Variants in XPO7 observed in about 807,000 individuals in gnomAD.
The protein encoded by XPO7 is exportin 7, also known as exportin-7.
A neutral mutation model predicts 144.3 loss-of-function variants in XPO7; 21 were observed. The observed-to-expected ratio is 0.15, with a 90% confidence interval of 0.10 to 0.21. The LOEUF is 0.21. Among genes scored for constraint, XPO7 ranks in the 10% least tolerant of loss-of-function variants. XPO7 has a pLI of 1.00. For missense variants in XPO7, 808 were observed against 1,325.8 expected (o/e 0.61, Z 6.06); for synonymous variants, 580 against 499.6 (o/e 1.16, Z -2.15).
chr8:21,966,959 C>G lies in XPO7; in HGVS notation c.121C>G (p.Pro41Ala). ...AGCCTTGGTTGAATTTACCAACAGC[C>G]CTGATTGCCTGAGCAAGTGCCAGCT... The part of the protein sequence containing the change: ...EKALVEFTNS[P>A]DCLSKCQLLL... The change falls in exon 2 of 28, where the codon CCT becomes GCT. Residue 41 changes from proline to alanine, a missense_variant. By Grantham distance (27) the Pro-to-Ala change is conservative. Transcript: ENST00000252512. 6.2e-7 allele frequency: 1 copy of G among 1,613,904 alleles called. No homozygotes were observed. Among genetic ancestry groups the G allele is most frequent in the East Asian group, 2.2e-5 (1 of 44,868 alleles).
At chr8:21,967,382 G>A (rs556894711) in intron 2 of XPO7, among the ~76,000 whole-genome samples, 1 of 152,280 alleles carries the variant, frequency 6.6e-6, no homozygotes, top group East Asian at 1.9e-4. Context: ...CCAGGCTGGA[G>A]TGCAATGGCG....
rs939428069 is a variant in XPO7 at position 21,999,037 on chromosome 8, C to T, written c.2429-54C>T. On this transcript the variant is annotated intron_variant, in intron 22 of 27. Coordinates refer to ENST00000252512, the MANE Select transcript of XPO7 (RefSeq NM_015024.5). ...ATGCCTTTGGAGTAGGAAGGCTGAT[C>T]TAAACGAGCGCTTCTAATGTGGTTG... 8 of 1,600,958 alleles carry T rather than the reference C, an allele frequency of 5.0e-6. No individual in the cohort carries two copies. The East Asian group carries it at 1.8e-4, about 36-fold the overall frequency.
At chr8:21,926,007 T>G (rs1173104252) in intron 1 of XPO7, among the ~76,000 whole-genome samples, 3 of 152,180 alleles carry the variant, frequency 2.0e-5, no homozygotes, top group African/African-American at 7.2e-5. Context: ...GGTCTCTTAG[T>G]TGGACAATAA....
chr8:21,987,810 G>C lies in XPO7; in HGVS notation c.1740G>C (p.Leu580=). 1.2e-6 allele frequency: 2 copies of C among 1,613,858 alleles called. No individual in the cohort carries two copies. Among genetic ancestry groups the C allele is most frequent in the Non-Finnish European group, 1.7e-6 (2 of 1,179,826 alleles). The part of the protein sequence containing the change: ...SKLYRRLSEV[L]GLNDETMVLS... ...TGTACCGCCGACTCTCAGAAGTTCT[G>C]GGCTTGAATGATGAGACCATGGTCC... The change falls in exon 15 of 28, where the codon CTG becomes CTC. Residue 580 remains leucine (L), a synonymous_variant. Transcript: ENST00000252512.
intron 1 of XPO7, among the ~76,000 whole-genome samples, chr8:21,955,111 G>A (rs1390285421): frequency 6.6e-6 from 1 of 152,166 alleles, no homozygotes; most frequent in Non-Finnish European, 1.5e-5. Context: ...CTGAATATTG[G>A]CATTCTTTCT....
chr8:21,966,070 C>T (rs1464411621), intron 1 of XPO7, among the ~76,000 whole-genome samples: 1 of 152,194 alleles, frequency 6.6e-6, no homozygotes, highest in East Asian at 1.9e-4. Context: ...AGTATATATG[C>T]CTCCCTATGG....
At chr8:21,995,404 A>G (rs1812913056) in intron 20 of XPO7, 88 bp from the exon 21 acceptor site, 6 of 1,093,692 alleles carry the variant, frequency 5.5e-6, no homozygotes, top group Non-Finnish European at 7.9e-6. Context: ...GTAGTTTGAC[A>G]AGTTTTTGCT....
At chr8:21,967,311 A>G (rs553328127) in intron 2 of XPO7, among the ~76,000 whole-genome samples, 104 of 152,294 alleles carry the variant, frequency 6.8e-4, no homozygotes, top group African/African-American at 2.4e-3. Flanking sequence ...AGGACTGTAG[A>G]TAAATGACCT....
In XPO7 at chr8:21,924,056, G is replaced by T. The variant is rs371703075; in HGVS notation, c.18+4268G>T. Reference sequence around the variant, plus strand: ...AGTCAAACTCTCAGCTGGGGCTCCGGGCTGCAGTCAATCTCAGGGCTTGAC... The same window carrying T: ...AGTCAAACTCTCAGCTGGGGCTCCGTGCTGCAGTCAATCTCAGGGCTTGAC... On this transcript the variant is annotated intron_variant, in intron 1 of 27. Coordinates refer to ENST00000252512, the MANE Select transcript of XPO7 (RefSeq NM_015024.5). Among the ~76,000 whole-genome samples, 5 of 152,214 alleles carry T rather than the reference G, an allele frequency of 3.3e-5. 1 individual carries two copies. In the East Asian group the frequency reaches 5.8e-4, roughly 18 times the overall value.
Position 22,005,859 on chromosome 8 carries a change from C to G in XPO7, c.*771C>G, listed in dbSNP as rs1327786005. On this transcript the variant is annotated 3_prime_UTR_variant, in exon 28 of 28. Coordinates refer to ENST00000252512, the MANE Select transcript of XPO7 (RefSeq NM_015024.5). ...AGTGTTTGGTGTTCTTATCTCCACC[C>G]TCTTTCCTACTTTGCTTACCCTCAT... 1 of 152,274 alleles carries G rather than the reference C, an allele frequency of 6.6e-6. No homozygotes were observed. Among genetic ancestry groups the G allele is most frequent in the Non-Finnish European group, 1.5e-5 (1 of 68,088 alleles). The allele number at this position is 152,274 out of a possible 1,614,324, so 9.4% of individuals were successfully genotyped here.
At chr8:21,980,774 C>CAAA (rs892152378) in intron 9 of XPO7, among the ~76,000 whole-genome samples, 2 of 85,476 alleles carry the variant, frequency 2.3e-5, no homozygotes, top group African/African-American at 4.4e-5. Flanking sequence ...GACTCCGTCT[C>CAAA]AAAAAAAAAA....
chr8:21,954,484 A>T (rs560910617), intron 1 of XPO7, among the ~76,000 whole-genome samples: 1 of 152,074 alleles, frequency 6.6e-6, no homozygotes, highest in Non-Finnish European at 1.5e-5. Context: ...AAATTCAAAA[A>T]TTAGCCAGGT....
chr8:21,949,179 C>A (rs531352294), intron 1 of XPO7, among the ~76,000 whole-genome samples: 2 of 152,252 alleles, frequency 1.3e-5, no homozygotes, highest in African/African-American at 4.8e-5. Flanking sequence ...CACATTAGTT[C>A]CAGAAATTAA....
At chr8:21,960,592 T>C (rs1811693187) in intron 1 of XPO7, among the ~76,000 whole-genome samples, 1 of 152,260 alleles carries the variant, frequency 6.6e-6, no homozygotes, top group African/African-American at 2.4e-5. Context: ...TGTAGAATTT[T>C]GCAGTCTCAT....
intron 15 of XPO7, 107 bp downstream of exon 15, chr8:21,987,964 C>G: frequency 2.5e-6 from 3 of 1,210,280 alleles, no homozygotes; most frequent in Non-Finnish European, 2.3e-6. Context: ...CAGCATTGAT[C>G]GTTTGCGTCA....
rs142724001 is a variant in XPO7 at position 21,921,291 on chromosome 8, A to T, written c.18+1503A>T. 1.1e-4 allele frequency: 16 copies of T among 152,346 alleles called. No homozygotes were observed. The East Asian group carries it at 3.1e-3, about 29-fold the overall frequency. The allele number at this position is 152,346 out of a possible 1,614,324, so 9.4% of individuals were successfully genotyped here. A position where few individuals can be genotyped will look rare whatever the true frequency, so the allele number is the denominator to read the frequency against. On this transcript the variant is annotated intron_variant, in intron 1 of 27. Coordinates refer to ENST00000252512, the MANE Select transcript of XPO7 (RefSeq NM_015024.5). Reference sequence around the variant, plus strand: ...ACTTCTGTCATTTAAAGGAACAAAAACCAAAGCACAAGAATGATAATGAGA... The same window carrying T: ...ACTTCTGTCATTTAAAGGAACAAAATCCAAAGCACAAGAATGATAATGAGA...
intron 1 of XPO7, among the ~76,000 whole-genome samples, chr8:21,927,141 G>T (rs761498709): frequency 2.9e-4 from 44 of 151,928 alleles, no homozygotes; most frequent in African/African-American, 8.4e-4. Context: ...CCCAGCTACT[G>T]GGGGGGAGGC....
At chr8:21,994,643 G>C (rs187803982) in intron 20 of XPO7, among the ~76,000 whole-genome samples, 192 bp downstream of exon 20, 1 of 152,144 alleles carries the variant, frequency 6.6e-6, no homozygotes, top group Non-Finnish European at 1.5e-5. Flanking sequence ...ATTAGAACAT[G>C]AATGAAGTAG....
intron 1 of XPO7, among the ~76,000 whole-genome samples, chr8:21,938,450 T>G (rs1465072019): frequency 6.6e-6 from 1 of 152,224 alleles, no homozygotes; most frequent in East Asian, 1.9e-4. Flanking sequence ...TAAGTTCTTT[T>G]TTAGTTCATT....
Sources: allele counts gnomAD v4.1 joint callset (sites outside exome capture counted in the v4.1 genomes callset), GRCh38; gene constraint gnomAD v4.1.1; transcripts MANE v1.5; gene names NCBI Gene and HGNC (gene_info 2026-07-23, HGNC 2026-07-21).